The following CDC14A variants were observed in gnomAD, a reference collection of about 807,000 sequenced individuals.
The protein encoded by CDC14A is dual specificity protein phosphatase CDC14A.
A neutral mutation model predicts 74.4 loss-of-function variants in CDC14A; 53 were observed. That is an observed-to-expected ratio of 0.71 (90% CI 0.57 to 0.89). The LOEUF (loss-of-function observed/expected upper bound fraction) is 0.89, where lower values mean the gene tolerates loss of function less well. Ranked by LOEUF, CDC14A falls within the 40% of genes least tolerant of loss-of-function variation. CDC14A has a pLI of 0.00. For missense variants in CDC14A, 646 were observed against 713.7 expected (o/e 0.91, Z 1.08); for synonymous variants, 247 against 258.4 (o/e 0.96, Z 0.43).
intron 8 of CDC14A, 69 bp from the exon 9 acceptor site, chr1:100,462,582 A>G (rs1667415922): frequency 8.5e-7 from 1 of 1,181,662 alleles, no homozygotes; most frequent in Non-Finnish European, 1.3e-6. Flanking sequence ...CATTGTTGAG[A>G]GTTTTGTATT....
chr1:100,352,003 T>TGTGTGCGCGC (rs1553167114), upstream of CDC14A, among the ~76,000 whole-genome samples: 230 of 122,842 alleles, frequency 1.9e-3, no homozygotes, highest in Admixed American at 2.3e-3. Flanking sequence ...TGTGTGTGTG[T>TGTGTGCGCGC]GCGCGCGCGC....
intron 5 of CDC14A, among the ~76,000 whole-genome samples, chr1:100,439,152 C>T (rs931383129): frequency 6.6e-6 from 1 of 152,230 alleles, no homozygotes. Flanking sequence ...ACTCAATTTT[C>T]ACCACGGTAG....
chr1:100,408,233 C>T (rs1660205610), intron 4 of CDC14A, among the ~76,000 whole-genome samples: 1 of 152,188 alleles, frequency 6.6e-6, no homozygotes, highest in Non-Finnish European at 1.5e-5. Flanking sequence ...CATGTTCCTG[C>T]AGAGGACATG....
chr1:100,353,916 T>A, intron 2 of CDC14A, 64 bp downstream of exon 2: 1 of 836,502 alleles, frequency 1.2e-6, no homozygotes, highest in Non-Finnish European at 2.0e-6. Context: ...GAGGAAACAC[T>A]ATGCACTTTT....
chr1:100,462,599 T>C (rs1557785496), intron 8 of CDC14A, 52 bp from the exon 9 acceptor site: 1 of 1,324,716 alleles, frequency 7.5e-7, no homozygotes, highest in East Asian at 2.3e-5. Flanking sequence ...TATTTCTGGG[T>C]TGTGGAAGAT....
Position 100,369,079 on chromosome 1 carries a change from AT to A in CDC14A, c.141-8451del, listed in dbSNP as rs369735078. On this transcript the variant is annotated intron_variant, in intron 2 of 15. Transcript: ENST00000336454. ...CAGTGTGAATCTGTTGTTTTTTGAC[AT>A]TTTTTTTTTTTTTTTGAGATGGAGT... 2.8e-3 allele frequency among the ~76,000 whole-genome samples: 390 copies of A among 137,592 alleles called. 1 individual carries two copies. The highest frequency in any genetic ancestry group is 3.8e-3 in the Middle Eastern group (1 of 264). 90.3% of individuals were successfully genotyped at this position (137,592 alleles called of 152,430 possible).
At chr1:100,414,919 CTTTG>C (rs1661337058) in intron 4 of CDC14A, among the ~76,000 whole-genome samples, 1 of 152,010 alleles carries the variant, frequency 6.6e-6, no homozygotes, top group South Asian at 2.1e-4. Flanking sequence ...TTGGTGTTTC[CTTTG>C]TTTGCTTTAT....
Position 100,498,016 on chromosome 1 carries a change from C to T in CDC14A, c.1299-69C>T, listed in dbSNP as rs993719999. On this transcript the variant is annotated intron_variant, in intron 13 of 15. Coordinates refer to ENST00000336454, the MANE Select transcript of CDC14A (RefSeq NM_003672.4). ...TTAAGATTGATTAATTTATCTTGTC[C>T]TAGTTAGTTGCTGAATGTTTAAGAT... 9.4e-6 allele frequency: 14 copies of T among 1,492,830 alleles called. No individual in the cohort carries two copies. The Admixed American group carries it at 2.7e-4, about 28-fold the overall frequency. The allele number at this position is 1,492,830 out of a possible 1,614,324, so 92.5% of individuals were successfully genotyped here.
intron 4 of CDC14A, among the ~76,000 whole-genome samples, chr1:100,417,837 G>T (rs1349100580): frequency 6.6e-6 from 1 of 152,134 alleles, no homozygotes; most frequent in Non-Finnish European, 1.5e-5. Context: ...ATCCTTATAT[G>T]TTTAAAGTAG....
intron 2 of CDC14A, among the ~76,000 whole-genome samples, chr1:100,373,955 T>TC (rs1295408066): frequency 2.0e-5 from 3 of 151,826 alleles, no homozygotes; most frequent in East Asian, 3.9e-4. Context: ...CCCTCCTACC[T>TC]CCCCCCACCC....
intron 15 of CDC14A, among the ~76,000 whole-genome samples, chr1:100,515,457 C>T (rs931710791): frequency 1.3e-5 from 2 of 149,380 alleles, no homozygotes; most frequent in African/African-American, 2.5e-5. Context: ...GATCTGAGCT[C>T]GCTGCAGTTT....
At chr1:100,371,107 A>G (rs1391043256) in intron 2 of CDC14A, among the ~76,000 whole-genome samples, 1 of 152,094 alleles carries the variant, frequency 6.6e-6, no homozygotes, top group Admixed American at 6.6e-5. Flanking sequence ...TAGCTTGAAT[A>G]TTATTGGTGT....
At chr1:100,396,827 G>T (rs1658561707) in intron 4 of CDC14A, among the ~76,000 whole-genome samples, 1 of 152,094 alleles carries the variant, frequency 6.6e-6, no homozygotes, top group Non-Finnish European at 1.5e-5. Flanking sequence ...TGGTTTCTCT[G>T]TTAGATAATG....
chr1:100,425,239 C>G (rs2101082905), intron 5 of CDC14A, among the ~76,000 whole-genome samples: 1 of 152,230 alleles, frequency 6.6e-6, no homozygotes, highest in East Asian at 1.9e-4. Context: ...CTTACCTCTG[C>G]TAGAATTGTG....
intron 4 of CDC14A, among the ~76,000 whole-genome samples, chr1:100,415,680 T>A (rs960028469): frequency 2.6e-5 from 4 of 152,246 alleles, no homozygotes; most frequent in African/African-American, 9.6e-5. Context: ...TCTGTTTTAA[T>A]TAGACTATTT....
At chr1:100,412,114 C>A (rs540232641) in intron 4 of CDC14A, among the ~76,000 whole-genome samples, 2 of 152,130 alleles carry the variant, frequency 1.3e-5, no homozygotes, top group Non-Finnish European at 2.9e-5. Context: ...TTTTATTCTT[C>A]GTGACCTGTG....
At chr1:100,484,608 G>A (rs1669846877) in intron 11 of CDC14A, 157 bp downstream of exon 11, 3 of 1,228,052 alleles carry the variant, frequency 2.4e-6, no homozygotes, top group Non-Finnish European at 2.0e-6. Flanking sequence ...AGAAGCAGAG[G>A]AAAGAAACCA....
intron 8 of CDC14A, among the ~76,000 whole-genome samples, chr1:100,458,284 A>G (rs959963270): frequency 1.3e-5 from 2 of 152,210 alleles, no homozygotes; most frequent in South Asian, 2.1e-4. Flanking sequence ...AAATTTTATT[A>G]TAGAGGATGT....
intron 3 of CDC14A, among the ~76,000 whole-genome samples, chr1:100,390,339 T>C (rs980450601): frequency 6.6e-6 from 1 of 152,200 alleles, no homozygotes; most frequent in African/African-American, 2.4e-5. Flanking sequence ...AATTGTGTTA[T>C]ATGAAAACTA....
Sources: gnomAD v4.1 joint callset for allele counts (sites outside exome capture counted in the v4.1 genomes callset) on GRCh38, gnomAD v4.1.1 for gene constraint, MANE v1.5 for transcripts, NCBI Gene and HGNC (gene_info 2026-07-23, HGNC 2026-07-21) for gene names.